Variants in GALM observed in about 807,000 individuals in gnomAD.
GALM encodes aldose 1-epimerase.
GALM carries 43 observed loss-of-function variants against 37.4 expected under a neutral mutation model. The ratio of observed to expected loss-of-function variants is 1.15; its 90% confidence interval spans 0.90 to 1.48. The LOEUF (loss-of-function observed/expected upper bound fraction) is 1.48, where lower values mean the gene tolerates loss of function less well. Ranked by LOEUF, GALM falls within the 40% of genes most tolerant of loss-of-function variation. The pLI is 0.00. For missense variants in GALM, 456 were observed against 419.1 expected (o/e 1.09, Z -0.77); for synonymous variants, 199 against 170.6 (o/e 1.17, Z -1.30).
intron 2 of GALM, among the ~76,000 whole-genome samples, chr2:38,677,922 G>T (rs1377603750): frequency 6.6e-6 from 1 of 152,066 alleles, no homozygotes; most frequent in African/African-American, 2.4e-5. Flanking sequence ...ATTGGAACTG[G>T]CCTTGAAGAG....
rs1362939369 is a variant in GALM, at chr2:38,733,539, A to G, written c.1003A>G (p.Thr335Ala). Residue 335 changes from threonine to alanine, a missense_variant, in exon 7 of 7, where the codon ACC becomes GCC. Coordinates refer to ENST00000272252, the MANE Select transcript of GALM (RefSeq NM_138801.3). ...LRPGEEYDHT[T>A]WFKFSVA is the part of the protein sequence containing the mutation. ...GCCTGGTGAGGAGTATGACCACACC[A>G]CCTGGTTCAAGTTTTCTGTGGCTTA... is the stretch of plus-strand genomic sequence containing the variant. 7 of 1,613,974 alleles carry G rather than the reference A, an allele frequency of 4.3e-6. No individual in the cohort carries two copies. Among genetic ancestry groups the G allele is most frequent in the Non-Finnish European group, 5.9e-6 (7 of 1,179,894 alleles).
intron 3 of GALM, among the ~76,000 whole-genome samples, chr2:38,681,885 C>T (rs1290873910): frequency 2.0e-5 from 3 of 152,228 alleles, no homozygotes; most frequent in Non-Finnish European, 4.4e-5. Context: ...TTTAGATATG[C>T]TGCCAATATG....
intron 4 of GALM, 81 bp downstream of exon 4, chr2:38,689,975 C>G (rs568968874): frequency 2.7e-6 from 2 of 754,000 alleles, no homozygotes; most frequent in Non-Finnish European, 4.5e-6. Flanking sequence ...GTGGAGAAAG[C>G]GGTGAAATCT....
Position 38,666,256 on chromosome 2 carries a change from A to C in GALM, c.95A>C (p.Asp32Ala), listed in dbSNP as rs1664928759. Residue 32 changes from aspartate (D) to alanine (A), a missense_variant, in exon 1 of 7, where the codon GAC becomes GCC. Physicochemically the swap from Asp to Ala is moderately radical, Grantham distance 126. Coordinates refer to ENST00000272252, the MANE Select transcript of GALM (RefSeq NM_138801.3). Reference sequence around the variant, plus strand: ...CTGCAGTCAGACCTCTTGAGAGTGGACATCATCTCCTGGGGCTGCACGATC... The same window carrying C: ...CTGCAGTCAGACCTCTTGAGAGTGGCCATCATCTCCTGGGGCTGCACGATC... ...FQLQSDLLRV[D>A]IISWGCTITA... 2 of 1,613,854 alleles carry C rather than the reference A, an allele frequency of 1.2e-6. No individual in the cohort carries two copies. The highest frequency in any genetic ancestry group is 8.5e-7 in the Non-Finnish European group (1 of 1,179,820).
intron 4 of GALM, among the ~76,000 whole-genome samples, chr2:38,702,460 C>A (rs1665938533): frequency 6.6e-6 from 1 of 152,228 alleles, no homozygotes. Context: ...CCTTTCCCAC[C>A]CCCAGCCTAC....
intron 3 of GALM, among the ~76,000 whole-genome samples, chr2:38,688,278 G>T (rs559966949): frequency 6.6e-6 from 1 of 151,968 alleles, no homozygotes; most frequent in Non-Finnish European, 1.5e-5. Flanking sequence ...TTGGGAGGCC[G>T]AGGTGAGCAG....
chr2:38,701,785 G>T (rs1282270818), intron 4 of GALM, among the ~76,000 whole-genome samples: 2 of 152,182 alleles, frequency 1.3e-5, no homozygotes, highest in African/African-American at 4.8e-5. Context: ...CTCATTCAAA[G>T]ATGTTGCAAA....
chr2:38,698,982 C>A (rs886710535), intron 4 of GALM, among the ~76,000 whole-genome samples: 12 of 152,114 alleles, frequency 7.9e-5, no homozygotes, highest in African/African-American at 2.9e-4. Flanking sequence ...GGCACATCCT[C>A]GGCTCACTGC....
intron 4 of GALM, among the ~76,000 whole-genome samples, chr2:38,718,714 A>T (rs1407893063): frequency 4.0e-5 from 6 of 151,788 alleles, no homozygotes; most frequent in Non-Finnish European, 7.4e-5. Flanking sequence ...GGGTTGTGTG[A>T]AGATGGGCTA....
chr2:38,689,920 T>C (rs1458222828), intron 4 of GALM, 26 bp downstream of exon 4: 7 of 1,401,816 alleles, frequency 5.0e-6, no homozygotes, highest in Non-Finnish European at 7.0e-6. Flanking sequence ...CTTTTTGTGT[T>C]ATGTGGGATC....
chr2:38,720,242 ATC>A (rs1288121520), intron 4 of GALM, among the ~76,000 whole-genome samples: 3 of 151,948 alleles, frequency 2.0e-5, no homozygotes, highest in African/African-American at 7.3e-5. Context: ...TATTGTTTTA[ATC>A]TGTCTCTTCC....
In GALM at chr2:38,697,950, G is replaced by GT. The variant is rs573166933; in HGVS notation, c.634+8068dup. ...CCTGTTGGCAATTTTGGGTTTTGGGGTTTTTTTTTTTTAGACAGAGTCTCA... is the reference window on the plus strand; with the variant it reads ...CCTGTTGGCAATTTTGGGTTTTGGGGTTTTTTTTTTTTTAGACAGAGTCTCA... On this transcript the variant is annotated intron_variant, in intron 4 of 6. Transcript: ENST00000272252. 8.0e-3 allele frequency among the ~76,000 whole-genome samples: 1,146 copies of GT among 144,070 alleles called. 8 individuals are homozygous for GT. The highest frequency in any genetic ancestry group is 0.013 in the Admixed American group (181 of 14,340). The allele number at this position is 144,070 out of a possible 152,430, so 94.5% of individuals were successfully genotyped here. A position where few individuals can be genotyped will look rare whatever the true frequency, so the allele number is the denominator to read the frequency against.
chr2:38,701,442 A>G (rs1665914363), intron 4 of GALM, among the ~76,000 whole-genome samples: 1 of 152,216 alleles, frequency 6.6e-6, no homozygotes, highest in African/African-American at 2.4e-5. Context: ...CTTTGAAAGT[A>G]GCATTAGTAA....
intron 3 of GALM, among the ~76,000 whole-genome samples, chr2:38,684,310 GTTTTA>G (rs977978931): frequency 1.3e-4 from 20 of 150,298 alleles, no homozygotes; most frequent in East Asian, 8.2e-4. Flanking sequence ...GTCGTTTTTT[GTTTTA>G]TTTTATTTTT....
chr2:38,676,117 C>A (rs1434567748), intron 2 of GALM, 51 bp downstream of exon 2: 10 of 1,580,936 alleles, frequency 6.3e-6, no homozygotes, highest in Non-Finnish European at 8.7e-6. Context: ...TTTACGCATA[C>A]CTTCTGCTTG....
intron 4 of GALM, among the ~76,000 whole-genome samples, chr2:38,712,970 A>G (rs1666200296): frequency 6.6e-6 from 1 of 151,984 alleles, no homozygotes; most frequent in Non-Finnish European, 1.5e-5. Flanking sequence ...CTGTTCTCTG[A>G]CCCTGGGTGA....
chr2:38,722,798 A>G (rs767859583), intron 4 of GALM, among the ~76,000 whole-genome samples: 4 of 152,204 alleles, frequency 2.6e-5, no homozygotes, highest in African/African-American at 9.6e-5. Flanking sequence ...ATCAAGAGCA[A>G]CTGTCGGGGT....
chr2:38,703,074 ATATATATATATATATATATTTTTTTTTT>A (rs1665956155), intron 4 of GALM, among the ~76,000 whole-genome samples: 1 of 4,858 alleles, frequency 2.1e-4, no homozygotes, highest in African/African-American at 5.2e-4. Context: ...ATATATATAT[ATATATATATATATATATATTTTTTTTTT>A]TTTTTTTTTT....
At chr2:38,726,588 T>C (rs180714504) in intron 4 of GALM, among the ~76,000 whole-genome samples, 6 of 152,018 alleles carry the variant, frequency 3.9e-5, no homozygotes, top group Admixed American at 3.9e-4. Context: ...AGAATAAGAA[T>C]GCAAAAGTAA....
Sources: gnomAD v4.1 joint callset for allele counts (sites outside exome capture counted in the v4.1 genomes callset) on GRCh38, gnomAD v4.1.1 for gene constraint, MANE v1.5 for transcripts, NCBI Gene and HGNC (gene_info 2026-07-23, HGNC 2026-07-21) for gene names.